The following GRM8 variants were observed in gnomAD, a reference collection of about 807,000 sequenced individuals.
GRM8 encodes glutamate metabotropic receptor 8, also known as metabotropic glutamate receptor 8.
GRM8 carries 47 observed loss-of-function variants against 87.2 expected under a neutral mutation model. The ratio of observed to expected loss-of-function variants is 0.54; its 90% CI spans 0.43 to 0.69. The LOEUF is 0.69. GRM8 is among the 30% of genes least tolerant of loss of function. GRM8 has a pLI of 0.00. For synonymous variants in GRM8, 396 were observed against 404.5 expected, an observed-to-expected ratio of 0.98 and a Z score of 0.25; for missense variants, 1,019 against 1,139.2, an observed-to-expected ratio of 0.89 and a Z score of 1.52.
At chr7:127,238,683 C>G (rs1348296581) in intron 2 of GRM8, among the ~76,000 whole-genome samples, 1 of 152,204 alleles carries the variant, frequency 6.6e-6, no homozygotes, top group Non-Finnish European at 1.5e-5. Context: ...TTGTGTCCAG[C>G]TCCAGGCCCT....
chr7:127,047,748 A>G (rs1483505599), intron 3 of GRM8, among the ~76,000 whole-genome samples: 1 of 152,190 alleles, frequency 6.6e-6, no homozygotes, highest in African/African-American at 2.4e-5. Flanking sequence ...GGAGAATCAC[A>G]TGAGAACCAG....
intron 8 of GRM8, among the ~76,000 whole-genome samples, chr7:126,562,653 G>A (rs1793831922): frequency 6.6e-6 from 1 of 152,184 alleles, no homozygotes; most frequent in South Asian, 2.1e-4. Flanking sequence ...CCAGCACTTT[G>A]GGAGGCCAAA....
intron 3 of GRM8, among the ~76,000 whole-genome samples, chr7:126,994,551 A>G (rs1462634476): frequency 6.6e-6 from 1 of 151,998 alleles, no homozygotes; most frequent in African/African-American, 2.4e-5. Flanking sequence ...CATTGACCAC[A>G]ATCTGACTGA....
intron 2 of GRM8, among the ~76,000 whole-genome samples, chr7:127,232,729 AT>A (rs1399241171): frequency 6.6e-6 from 1 of 152,132 alleles, no homozygotes; most frequent in Admixed American, 6.5e-5. Flanking sequence ...CATAACAAAC[AT>A]TTATGGTGCC....
chr7:126,838,604 C>G (rs530977533), intron 6 of GRM8, among the ~76,000 whole-genome samples: 11 of 152,190 alleles, frequency 7.2e-5, no homozygotes, highest in African/African-American at 2.7e-4. Flanking sequence ...ATCCCACATA[C>G]TACTTTATTA....
chr7:126,690,262 G>A (rs761679764), intron 7 of GRM8, among the ~76,000 whole-genome samples: 46 of 152,220 alleles, frequency 3.0e-4, no homozygotes, highest in African/African-American at 1.0e-3. Flanking sequence ...TGGTTCCCAC[G>A]CATGCCAAGG....
At chr7:126,563,984 A>T (rs1312980418) in intron 8 of GRM8, among the ~76,000 whole-genome samples, 2 of 152,244 alleles carry the variant, frequency 1.3e-5, no homozygotes, top group African/African-American at 2.4e-5. Context: ...GAGTTTCATC[A>T]GGTCCAAGGC....
At chr7:126,890,333 C>T (rs540538128) in intron 6 of GRM8, among the ~76,000 whole-genome samples, 42 of 152,150 alleles carry the variant, frequency 2.8e-4, no homozygotes, top group African/African-American at 6.5e-4. Flanking sequence ...ACTTCCCAAC[C>T]GCTCTATGAG....
chr7:127,081,419 G>A (rs1822853615), intron 3 of GRM8, among the ~76,000 whole-genome samples: 1 of 152,230 alleles, frequency 6.6e-6, no homozygotes, highest in Admixed American at 6.5e-5. Flanking sequence ...TACCCAGAGA[G>A]AGTGAAACAT....
chr7:127,127,759 G>C lies in GRM8; in HGVS notation c.511-21047C>G, dbSNP rs142269841. ...ACTCATCAAATACTCATTTACACTA[G>C]GTGCATATTATTATATGTAAGTTAT... On this transcript the variant is annotated intron_variant, in intron 2 of 10. Transcript: ENST00000339582. Among the ~76,000 whole-genome samples the C allele has an allele frequency of 4.8e-3, 733 of 151,908 alleles. 2 individuals are homozygous for C. The highest frequency in any genetic ancestry group is 8.9e-3 in the Non-Finnish European group (603 of 67,868).
intron 2 of GRM8, among the ~76,000 whole-genome samples, chr7:127,209,054 C>T (rs970555949): frequency 1.4e-4 from 21 of 152,302 alleles, no homozygotes; most frequent in African/African-American, 3.9e-4. Context: ...TGCTGCTGCA[C>T]GGCTGCAAGA....
At chr7:126,952,500 T>C (rs981321284) in intron 3 of GRM8, among the ~76,000 whole-genome samples, 1 of 152,044 alleles carries the variant, frequency 6.6e-6, no homozygotes, top group Non-Finnish European at 1.5e-5. Flanking sequence ...TTGCACAGTC[T>C]TAAAGCATGT....
intron 2 of GRM8, among the ~76,000 whole-genome samples, chr7:127,127,098 A>C (rs1007982937): frequency 2.6e-5 from 4 of 152,066 alleles, no homozygotes; most frequent in Non-Finnish European, 5.9e-5. Context: ...GAAGCAACTT[A>C]AACTCTCCTA....
At chr7:126,694,638 T>C (rs1223298218) in intron 7 of GRM8, among the ~76,000 whole-genome samples, 1 of 152,222 alleles carries the variant, frequency 6.6e-6, no homozygotes, top group Non-Finnish European at 1.5e-5. Flanking sequence ...CTTAAAGTGA[T>C]CAAGAAAGCT....
chr7:127,210,598 A>T (rs1796157235), intron 2 of GRM8, among the ~76,000 whole-genome samples: 1 of 152,112 alleles, frequency 6.6e-6, no homozygotes, highest in Non-Finnish European at 1.5e-5. Context: ...TACATGATAA[A>T]TTTTTTCTGT....
At chr7:127,026,249 T>C (rs1240565477) in intron 3 of GRM8, among the ~76,000 whole-genome samples, 1 of 152,216 alleles carries the variant, frequency 6.6e-6, no homozygotes, top group Admixed American at 6.5e-5. Flanking sequence ...AGTCTATCAT[T>C]GTTGGACATT....
In GRM8 at chr7:127,059,521, G is replaced by A. The variant is rs191934887; in HGVS notation, c.727+46975C>T. 2.0e-5 allele frequency among the ~76,000 whole-genome samples: 3 copies of A among 152,002 alleles called. No individual in the cohort carries two copies. In the East Asian group the frequency reaches 5.8e-4, roughly 30 times the overall value. On this transcript the variant is annotated intron_variant, in intron 3 of 10. Transcript: ENST00000339582. Reference sequence around the variant, plus strand: ...CCAGCTAATTTTTGTATTTTTAGTAGAGACCAGGTTTCACCCTATTGGTCA... The same window carrying A: ...CCAGCTAATTTTTGTATTTTTAGTAAAGACCAGGTTTCACCCTATTGGTCA...
intron 7 of GRM8, among the ~76,000 whole-genome samples, chr7:126,749,747 T>A (rs1432002841): frequency 6.6e-6 from 1 of 151,920 alleles, no homozygotes; most frequent in Non-Finnish European, 1.5e-5. Flanking sequence ...AGATAACTAG[T>A]GACCAGAGAA....
At chr7:127,236,407 G>A (rs1270482595) in intron 2 of GRM8, among the ~76,000 whole-genome samples, 1 of 152,176 alleles carries the variant, frequency 6.6e-6, no homozygotes, top group East Asian at 1.9e-4. Context: ...GTTCAGCATG[G>A]CTGGGGAGGC....
Sources: allele counts gnomAD v4.1 joint callset (sites outside exome capture counted in the v4.1 genomes callset), GRCh38; gene constraint gnomAD v4.1.1; transcripts MANE v1.5; gene names NCBI Gene and HGNC (gene_info 2026-07-23, HGNC 2026-07-21).